The following RBFOX1 variants were observed in gnomAD, a reference collection of about 807,000 sequenced individuals.
The protein encoded by RBFOX1 is RNA binding fox-1 homolog 1.
RBFOX1 carries 8 observed loss-of-function variants against 57.7 expected under a neutral mutation model. That is an observed-to-expected ratio of 0.14 (90% CI 0.08 to 0.25). RBFOX1 has a LOEUF of 0.25. Among genes scored for constraint, RBFOX1 ranks in the 10% least tolerant of loss-of-function variants. The pLI is 1.00. For missense variants in RBFOX1, 611 were observed against 548.5 expected (o/e 1.11, Z -1.14); for synonymous variants, 326 against 222.4 (o/e 1.47, Z -4.15).
rs574295525 is a variant in RBFOX1, at chr16:7,602,878, A to T, written c.623-4407A>T. Among the ~76,000 whole-genome samples the T allele has an allele frequency of 4.6e-5, 7 of 152,350 alleles. No individual in the cohort carries two copies. The South Asian group carries it at 1.4e-3, about 32-fold the overall frequency. On this transcript the variant is annotated intron_variant, in intron 9 of 15. Transcript: ENST00000550418. ...CAAATTTTTAAAAAATCTAAACTAT[A>T]TCAAGTATTTTCTTAGACCATAATA...
At chr16:5,628,433 G>A (rs547706347) in intron 3 of RBFOX1, among the ~76,000 whole-genome samples, 2 of 152,228 alleles carry the variant, frequency 1.3e-5, no homozygotes, top group South Asian at 2.1e-4. Flanking sequence ...GGGGATAACT[G>A]ATATAACCAT....
chr16:7,100,198 G>C (rs998879745), intron 4 of RBFOX1, among the ~76,000 whole-genome samples: 1 of 152,050 alleles, frequency 6.6e-6, no homozygotes. Flanking sequence ...TTCGAAATTT[G>C]TGTGTTAAAG....
rs147107640 is a variant in RBFOX1 at position 5,908,204 on chromosome 16, A to G, written c.351+40869A>G. On this transcript the variant is annotated intron_variant, in intron 4 of 19. Coordinates refer to the RBFOX1 transcript ENST00000641259. ...CATATATACACATATATACATATACACACATATATATACATATATACACAC... is the reference window on the plus strand; with the variant it reads ...CATATATACACATATATACATATACGCACATATATATACATATATACACAC... Among the ~76,000 whole-genome samples the G allele has an allele frequency of 5.8e-4, 70 of 120,102 alleles. 1 individual carries two copies. The highest frequency in any genetic ancestry group is 1.8e-3 in the African/African-American group (59 of 33,072). 78.8% of individuals were successfully genotyped at this position (120,102 alleles called of 152,430 possible).
intron 2 of RBFOX1, among the ~76,000 whole-genome samples, chr16:6,492,054 C>G (rs990102547): frequency 2.6e-5 from 4 of 151,830 alleles, no homozygotes; most frequent in African/African-American, 9.7e-5. Flanking sequence ...ATGGAGAAGA[C>G]AAATTGGCAA....
intron 2 of RBFOX1, among the ~76,000 whole-genome samples, chr16:6,500,283 G>C (rs1053155593): frequency 6.6e-6 from 1 of 152,136 alleles, no homozygotes; most frequent in Admixed American, 6.6e-5. Context: ...ACCATCATCT[G>C]TGTTCAACAC....
rs531173063 is a variant in RBFOX1, at chr16:7,375,514, T to G, written c.28-142633T>G. Among the ~76,000 whole-genome samples, 92 of 152,088 alleles carry G rather than the reference T, an allele frequency of 6.0e-4. 1 individual carries two copies. The highest frequency in any genetic ancestry group is 1.8e-3 in the African/African-American group (73 of 41,502). ...AGAGGTTTTGTTTTTTTGTTTTTTT[T>G]TTTTTTAATCATCAGATGTTTTGGG... On this transcript the variant is annotated intron_variant, in intron 4 of 15. Coordinates refer to ENST00000550418, the MANE Select transcript of RBFOX1 (RefSeq NM_018723.4).
chr16:6,004,328 T>G (rs146166673), intron 4 of RBFOX1, among the ~76,000 whole-genome samples: 1 of 152,234 alleles, frequency 6.6e-6, no homozygotes, highest in Non-Finnish European at 1.5e-5. Flanking sequence ...AAGCCTCAGT[T>G]TTCTTATCTG....
chr16:7,105,098 GC>G (rs2063342925), intron 4 of RBFOX1, among the ~76,000 whole-genome samples: 1 of 152,102 alleles, frequency 6.6e-6, no homozygotes, highest in African/African-American at 2.4e-5. Context: ...GAGCACCTCT[GC>G]CACTAAAGCT....
chr16:6,283,036 C>G (rs1418181868), intron 1 of RBFOX1, among the ~76,000 whole-genome samples: 1 of 152,146 alleles, frequency 6.6e-6, no homozygotes, highest in Non-Finnish European at 1.5e-5. Context: ...GACTCTAAAA[C>G]CCTTACGCAA....
intron 3 of RBFOX1, among the ~76,000 whole-genome samples, chr16:6,892,771 TC>T (rs2065788877): frequency 3.4e-5 from 2 of 58,908 alleles, no homozygotes; most frequent in African/African-American, 6.7e-5. Flanking sequence ...AGCCTCCCTG[TC>T]TCCCTCTCTC....
At chr16:6,990,205 G>A (rs1482716878) in intron 3 of RBFOX1, among the ~76,000 whole-genome samples, 1 of 152,080 alleles carries the variant, frequency 6.6e-6, no homozygotes, top group Non-Finnish European at 1.5e-5. Context: ...TCTCAATTTT[G>A]GATTTCTTTG....
intron 13 of RBFOX1, among the ~76,000 whole-genome samples, chr16:7,675,467 G>A (rs1305290225): frequency 6.6e-6 from 1 of 151,740 alleles, no homozygotes; most frequent in Non-Finnish European, 1.5e-5. Context: ...TGTTTTGGAT[G>A]TGTCTTCTCC....
At chr16:6,924,164 C>G (rs1185701574) in intron 3 of RBFOX1, among the ~76,000 whole-genome samples, 1 of 100,648 alleles carries the variant, frequency 9.9e-6, no homozygotes, top group African/African-American at 3.8e-5. Context: ...AAGACTCTGT[C>G]TCAAAAATAA....
intron 3 of RBFOX1, among the ~76,000 whole-genome samples, chr16:6,761,759 C>T (rs561701896): frequency 6.6e-6 from 1 of 152,024 alleles, no homozygotes; most frequent in Non-Finnish European, 1.5e-5. Context: ...CCTGCCTCGG[C>T]CCCCTAAAGT....
chr16:5,366,328 AT>A, intron 1 of RBFOX1: 2 of 364,798 alleles, frequency 5.5e-6, no homozygotes, highest in South Asian at 2.3e-5. Context: ...GATGATGATG[AT>A]TTTGATGATG....
intron 4 of RBFOX1, among the ~76,000 whole-genome samples, chr16:5,970,603 G>A (rs999377878): frequency 2.6e-5 from 4 of 152,170 alleles, no homozygotes; most frequent in African/African-American, 9.6e-5. Flanking sequence ...CTGTAGAGAA[G>A]ACAGACTGTG....
At chr16:7,441,195 C>T (rs2098763494) in intron 4 of RBFOX1, among the ~76,000 whole-genome samples, 1 of 152,182 alleles carries the variant, frequency 6.6e-6, no homozygotes, top group Non-Finnish European at 1.5e-5. Context: ...GAAATTAATG[C>T]TGCATGCGCA....
intron 3 of RBFOX1, among the ~76,000 whole-genome samples, chr16:5,688,241 C>G (rs1208823195): frequency 6.6e-6 from 1 of 152,172 alleles, no homozygotes; most frequent in African/African-American, 2.4e-5. Flanking sequence ...AGAGGTGCAT[C>G]TTTGCAATCT....
rs551644006 is a variant in RBFOX1 at position 7,508,030 on chromosome 16, A to G, written c.28-10117A>G. On this transcript the variant is annotated intron_variant, in intron 4 of 15. Transcript: ENST00000550418. ...GAGATGGAGTCTCACCCTATCACCC[A>G]GGCTGGAGTGCAGTGATGCAATCTT... Among the ~76,000 whole-genome samples the G allele has an allele frequency of 4.0e-5, 6 of 151,600 alleles. No homozygotes were observed. In the East Asian group the frequency reaches 9.8e-4, roughly 25 times the overall value.
Sources: allele counts gnomAD v4.1 joint callset (sites outside exome capture counted in the v4.1 genomes callset), GRCh38; gene constraint gnomAD v4.1.1; transcripts MANE v1.5; gene names NCBI Gene and HGNC (gene_info 2026-07-23, HGNC 2026-07-21).